The following TMPRSS13 variants were observed in gnomAD, a reference collection of about 807,000 sequenced individuals.
TMPRSS13 encodes transmembrane protease serine 13.
Under a neutral mutation model 68.4 loss-of-function variants are expected in TMPRSS13, and 50 were observed. The observed-to-expected ratio is 0.73, with a 90% CI of 0.58 to 0.93. The LOEUF is 0.93. Among genes scored for constraint, TMPRSS13 ranks in the 40% least tolerant of loss-of-function variants. TMPRSS13 has a pLI of 0.00. For synonymous variants in TMPRSS13, 267 were observed against 285.8 expected (o/e 0.93, Z 0.66); for missense variants, 615 against 729.2 (o/e 0.84, Z 1.80).
At chr11:117,904,657 G>A (rs1169285439) in intron 10 of TMPRSS13, among the ~76,000 whole-genome samples, 2 of 151,572 alleles carry the variant, frequency 1.3e-5, no homozygotes, top group Non-Finnish European at 2.9e-5. Flanking sequence ...CTAACCATGG[G>A]GTCATCCTGC....
In TMPRSS13 at chr11:117,903,655, C is replaced by T. The variant is rs1432829990; in HGVS notation, c.1677G>A (p.Glu559=). 3.1e-6 allele frequency: 5 copies of T among 1,614,206 alleles called. No homozygotes were observed. The South Asian group carries it at 5.5e-5, about 18-fold the overall frequency. The change falls in exon 12 of 13, where the codon GAG becomes GAA. Residue 559 remains glutamate (E), a splice_region_variant and synonymous_variant. Transcript: ENST00000524993. ...EVLPWIYSKM[E]SEVRFRKS is the part of the protein sequence containing the mutation. ...CAGTGTCCTGCTGCAGGGATCTTAC[C>T]TCCATCTTGCTGTAAATCCAGGGAA...
intron 1 of TMPRSS13, among the ~76,000 whole-genome samples, chr11:117,919,425 G>C (rs927241658): frequency 6.6e-6 from 1 of 152,258 alleles, no homozygotes; most frequent in Non-Finnish European, 1.5e-5. Flanking sequence ...AAGAATGCTG[G>C]ACAAAGGCCA....
Position 117,918,938 on chromosome 11 carries a change from G to T in TMPRSS13, c.22-100C>A. 9 of 1,510,478 alleles carry T rather than the reference G, an allele frequency of 6.0e-6. No homozygotes were observed. In the East Asian group the frequency reaches 9.4e-5, roughly 16 times the overall value. 93.6% of individuals were successfully genotyped at this position (1,510,478 alleles called of 1,614,324 possible). On this transcript the variant is annotated intron_variant, in intron 1 of 12. Coordinates refer to ENST00000524993, the MANE Select transcript of TMPRSS13 (RefSeq NM_001077263.3). ...AGGAGATGAATGCTCTGGGGCAGCA[G>T]CTAGGGGTTGAGCAAAGCCCCCCGG...
At chr11:117,908,201 C>T in intron 9 of TMPRSS13, 2 of 564,164 alleles carry the variant, frequency 3.5e-6, no homozygotes, top group South Asian at 6.9e-5. Flanking sequence ...TCCATTTCCT[C>T]ATATGTCAAA....
In TMPRSS13 at chr11:117,918,695, A is replaced by G; in HGVS notation, c.165T>C (p.Ser55=). Residue 55 remains serine, a synonymous_variant, in exon 2 of 13, where the codon TCT becomes TCC. Coordinates refer to ENST00000524993, the MANE Select transcript of TMPRSS13 (RefSeq NM_001077263.3). Reference sequence around the variant, plus strand: ...TACCAGCTGGAGATGCCTGGGCTGGAGATGCCCGGCCCGGAGGTGTCCCAG... The same window carrying G: ...TACCAGCTGGAGATGCCTGGGCTGGGGATGCCCGGCCCGGAGGTGTCCCAG... ...SPAGTPPGRA[S]PAQASPAGTP... is the part of the protein sequence containing the mutation. The G allele has an allele frequency of 6.2e-7, 1 of 1,602,596 alleles. No individual in the cohort carries two copies. Among genetic ancestry groups the G allele is most frequent in the Non-Finnish European group, 8.5e-7 (1 of 1,174,630 alleles).
intron 1 of TMPRSS13, among the ~76,000 whole-genome samples, chr11:117,920,787 C>A (rs2057637343): frequency 6.6e-6 from 1 of 152,186 alleles, no homozygotes; most frequent in African/African-American, 2.4e-5. Context: ...CCAGACCACA[C>A]CCAGCCGATA....
intron 5 of TMPRSS13, among the ~76,000 whole-genome samples, chr11:117,912,734 G>A (rs1456225554): frequency 2.0e-5 from 3 of 152,076 alleles, no homozygotes; most frequent in Non-Finnish European, 2.9e-5. Flanking sequence ...ATGTCACATC[G>A]TGCTGTGGTT....
chr11:117,908,905 T>C, intron 8 of TMPRSS13, 121 bp from the exon 9 acceptor site: 1 of 993,952 alleles, frequency 1.0e-6, no homozygotes, highest in South Asian at 1.6e-5. Context: ...ATGGATAAAA[T>C]GACCTCTGGA....
chr11:117,920,572 G>A lies in TMPRSS13; in HGVS notation c.22-1734C>T, dbSNP rs926874304. On this transcript the variant is annotated intron_variant, in intron 1 of 12. Coordinates refer to ENST00000524993, the MANE Select transcript of TMPRSS13 (RefSeq NM_001077263.3). ...CAGTGCCGCGATCTTGGCTCACTGC[G>A]ACCTCTGCTGGGTTTAAGGGATTCT... 2.0e-5 allele frequency among the ~76,000 whole-genome samples: 3 copies of A among 152,012 alleles called. No homozygotes were observed. The South Asian group carries it at 6.2e-4, about 32-fold the overall frequency.
intron 5 of TMPRSS13, 28 bp from the exon 6 acceptor site, chr11:117,911,888 G>A (rs965049798): frequency 7.0e-6 from 11 of 1,580,096 alleles, no homozygotes; most frequent in Admixed American, 3.3e-5. Context: ...GGAGAAGAAT[G>A]AGCCCCCTGG....
rs983859916 is a variant in TMPRSS13 at position 117,915,884 on chromosome 11, G to C, written c.556+1286C>G. ...AGGGAGGGCAGGGCAGCAAGTCACA[G>C]CAGGCACCATGCCGAGGCCTTTATG... On this transcript the variant is annotated intron_variant, in intron 3 of 12. Coordinates refer to ENST00000524993, the MANE Select transcript of TMPRSS13 (RefSeq NM_001077263.3). This position sits in a 1 kb window ranked among gnomAD's most constrained non-coding sequence, Gnocchi z 4.9. Among the ~76,000 whole-genome samples the C allele has an allele frequency of 6.6e-6, 1 of 152,250 alleles. No individual in the cohort carries two copies. Among genetic ancestry groups the C allele is most frequent in the Admixed American group, 6.5e-5 (1 of 15,292 alleles).
chr11:117,917,766 A>G (rs968480684), intron 2 of TMPRSS13, among the ~76,000 whole-genome samples: 4 of 152,188 alleles, frequency 2.6e-5, no homozygotes, highest in Admixed American at 2.6e-4. Flanking sequence ...GTGATCCTCC[A>G]AAGCCACGTA....
chr11:117,905,798 G>A, intron 9 of TMPRSS13, 62 bp from the exon 10 acceptor site: 1 of 1,370,228 alleles, frequency 7.3e-7, no homozygotes, highest in South Asian at 1.2e-5. Context: ...TAGGGGGAGG[G>A]AGAAGGAGCA....
At chr11:117,916,257 G>C (rs950021310) in intron 3 of TMPRSS13, among the ~76,000 whole-genome samples, 1 of 152,188 alleles carries the variant, frequency 6.6e-6, no homozygotes, top group Admixed American at 6.5e-5. Flanking sequence ...CTCCACTTTG[G>C]TTAGGCGGGT....
chr11:117,928,357 T>G (rs568719917), intron 1 of TMPRSS13, among the ~76,000 whole-genome samples: 2 of 152,204 alleles, frequency 1.3e-5, no homozygotes, highest in African/African-American at 4.8e-5. Flanking sequence ...AAAAAAATGA[T>G]GGTAAAGTTT....
chr11:117,916,960 C>A (rs1485553903), intron 3 of TMPRSS13, among the ~76,000 whole-genome samples: 2 of 152,194 alleles, frequency 1.3e-5, no homozygotes, highest in Non-Finnish European at 2.9e-5. Context: ...GCTCAGGTTC[C>A]TCTGACTTCC....
Position 117,917,259 on chromosome 11 carries a change from T to A in TMPRSS13, c.467A>T (p.Lys156Met), listed in dbSNP as rs200131741. The A allele has an allele frequency of 2.9e-4, 473 of 1,612,176 alleles. No homozygotes were observed. Among genetic ancestry groups the A allele is most frequent in the Non-Finnish European group, 3.0e-4 (358 of 1,179,934 alleles). ...CTTCTGGCCCTCCCGCCAGGTGAAC[T>A]TGGGCAGGCTCGTACCTAGGAGCAG... ...TRESPGTSLP[K>M]FTWREGQKQL... The change falls in exon 3 of 13, where the codon AAG becomes ATG. Residue 156 changes from lysine (K) to methionine (M), a missense_variant. Coordinates refer to ENST00000524993, the MANE Select transcript of TMPRSS13 (RefSeq NM_001077263.3).
chr11:117,918,689 G>A lies in TMPRSS13; in HGVS notation c.171C>T (p.Ala57=), dbSNP rs939097423. The change falls in exon 2 of 13, where the codon GCC becomes GCT. Residue 57 remains alanine (A), a synonymous_variant. Coordinates refer to ENST00000524993, the MANE Select transcript of TMPRSS13 (RefSeq NM_001077263.3). ...GAGGTGTACCAGCTGGAGATGCCTG[G>A]GCTGGAGATGCCCGGCCCGGAGGTG... ...AGTPPGRASP[A]QASPAGTPPG... 1.2e-5 allele frequency: 19 copies of A among 1,603,652 alleles called. No individual in the cohort carries two copies. The highest frequency in any genetic ancestry group is 1.7e-5 in the Admixed American group (1 of 58,978).
rs958990695 is a variant in TMPRSS13 at position 117,915,566 on chromosome 11, C to T, written c.557-1052G>A. Among the ~76,000 whole-genome samples the T allele has an allele frequency of 7.2e-5, 11 of 152,194 alleles. No individual in the cohort carries two copies. Among genetic ancestry groups the T allele is most frequent in the Admixed American group, 3.9e-4 (6 of 15,288 alleles). The stretch of plus-strand genomic sequence containing the variant: ...CCCCTGGAGTGCTCATGGAGCCCCA[C>T]GTGGATGTGTAGTGGAGAGGGTACT... On this transcript the variant is annotated intron_variant, in intron 3 of 12. Transcript: ENST00000524993. This position sits in a 1 kb window ranked among gnomAD's most constrained non-coding sequence, Gnocchi z 4.9.
Sources: gnomAD v4.1 joint callset for allele counts (sites outside exome capture counted in the v4.1 genomes callset) on GRCh38, gnomAD v4.1.1 for gene constraint, Gnocchi (gnomAD v3.1) non-coding constraint, MANE v1.5 for transcripts, NCBI Gene and HGNC (gene_info 2026-07-23, HGNC 2026-07-21) for gene names.